The following LAMA2 variants were observed in gnomAD, a reference collection of about 807,000 sequenced individuals.
LAMA2 encodes laminin subunit alpha-2.
A neutral mutation model predicts 364.8 loss-of-function variants in LAMA2; 269 were observed. The observed-to-expected ratio is 0.74, with a 90% CI of 0.67 to 0.82. The LOEUF is 0.82. Ranked by LOEUF, LAMA2 falls within the 40% of genes least tolerant of loss-of-function variation. LAMA2 has a pLI of 0.00. For missense variants in LAMA2, 3,807 were observed against 3,873.2 expected (o/e 0.98, Z 0.45); for synonymous variants, 1,379 against 1,370.6 (o/e 1.01, Z -0.14).
intron 4 of LAMA2, among the ~76,000 whole-genome samples, chr6:129,131,101 A>G (rs931282810): frequency 6.6e-6 from 1 of 152,240 alleles, no homozygotes; most frequent in African/African-American, 2.4e-5. Context: ...TATTACAAAT[A>G]ATTGAAAACA....
At chr6:128,917,748 T>TTTG (rs2114477205) in intron 1 of LAMA2, among the ~76,000 whole-genome samples, 1 of 147,868 alleles carries the variant, frequency 6.8e-6, no homozygotes, top group East Asian at 1.9e-4. Flanking sequence ...TTTTTTTTTT[T>TTTG]TTTGAGACAG....
chr6:128,916,278 A>G (rs1778311352), intron 1 of LAMA2, among the ~76,000 whole-genome samples: 1 of 152,218 alleles, frequency 6.6e-6, no homozygotes. Flanking sequence ...TGAGGCCAAA[A>G]CTTTTAGTCC....
intron 12 of LAMA2, among the ~76,000 whole-genome samples, chr6:129,229,232 T>C (rs189251361): frequency 4.1e-4 from 63 of 152,298 alleles, no homozygotes; most frequent in Admixed American, 3.0e-3. Context: ...ATGGAGGGCC[T>C]AGGAAGGATG....
intron 14 of LAMA2, among the ~76,000 whole-genome samples, chr6:129,257,381 G>A (rs925801067): frequency 1.3e-5 from 2 of 152,112 alleles, no homozygotes; most frequent in South Asian, 4.1e-4. Context: ...TCATAGCTCA[G>A]AATGGTTACA....
chr6:129,241,215 G>A (rs904846751), intron 12 of LAMA2, among the ~76,000 whole-genome samples: 1 of 152,146 alleles, frequency 6.6e-6, no homozygotes, highest in Non-Finnish European at 1.5e-5. Flanking sequence ...TTAAAATTCA[G>A]CAGATACTTA....
intron 12 of LAMA2, among the ~76,000 whole-genome samples, chr6:129,204,126 A>G (rs1414969331): frequency 2.0e-5 from 3 of 152,250 alleles, no homozygotes; most frequent in African/African-American, 7.2e-5. Context: ...AATTTTAGCA[A>G]GTACGTAGAT....
chr6:129,460,083 T>C, intron 48 of LAMA2, 117 bp from the exon 49 acceptor site: 1 of 995,354 alleles, frequency 1.0e-6, no homozygotes, highest in Admixed American at 1.7e-5. Context: ...TATGCCAAAA[T>C]ATCAGAAAGA....
chr6:129,314,414 A>AAAAAAAAAAAAAAAAAAC (rs1207991573), intron 23 of LAMA2, among the ~76,000 whole-genome samples: 2 of 151,338 alleles, frequency 1.3e-5, no homozygotes, highest in African/African-American at 4.9e-5. Context: ...AAAAAAAAAA[A>AAAAAAAAAAAAAAAAAAC]AAAAAGTACA....
At chr6:129,312,513 T>TAATAAGGTAAA (rs1774293330) in intron 22 of LAMA2, among the ~76,000 whole-genome samples, 6 of 152,172 alleles carry the variant, frequency 3.9e-5, no homozygotes, top group Admixed American at 3.9e-4. Flanking sequence ...AATTATGAGA[T>TAATAAGGTAAA]AATAAGGTAA....
intron 12 of LAMA2, among the ~76,000 whole-genome samples, chr6:129,215,594 A>C (rs1184984816): frequency 6.6e-6 from 1 of 152,134 alleles, no homozygotes; most frequent in African/African-American, 2.4e-5. Flanking sequence ...ATAAATATTT[A>C]TTTATTTATT....
intron 45 of LAMA2, among the ~76,000 whole-genome samples, chr6:129,446,595 A>G (rs1185601181): frequency 2.2e-5 from 3 of 139,184 alleles, no homozygotes; most frequent in East Asian, 2.2e-4. Context: ...AGAAAGAAAG[A>G]AGGAAGGGCA....
rs1774343545 is a variant in LAMA2, at chr6:129,313,231, A to G, written c.3411+134A>G. 8.1e-6 allele frequency: 5 copies of G among 619,330 alleles called. No individual in the cohort carries two copies. In the East Asian group the frequency reaches 1.3e-4, roughly 16 times the overall value. The allele number at this position is 619,330 out of a possible 1,614,324, so 38.4% of individuals were successfully genotyped here. On this transcript the variant is annotated intron_variant, in intron 23 of 64. Transcript: ENST00000421865. Reference sequence around the variant, plus strand: ...AACAGATGGACAAAATCTCATTGCCAGACATGGAGTTTTCATTGATATGCA... The same window carrying G: ...AACAGATGGACAAAATCTCATTGCCGGACATGGAGTTTTCATTGATATGCA...
At chr6:129,051,307 TTATTTTA>T (rs990157739) in intron 2 of LAMA2, among the ~76,000 whole-genome samples, 1 of 148,624 alleles carries the variant, frequency 6.7e-6, no homozygotes, top group Non-Finnish European at 1.5e-5. Flanking sequence ...AACAGATATA[TTATTTTA>T]TTTTTATTTT....
At chr6:129,016,797 A>G (rs1049876864) in intron 1 of LAMA2, among the ~76,000 whole-genome samples, 5 of 151,916 alleles carry the variant, frequency 3.3e-5, no homozygotes, top group East Asian at 3.9e-4. Context: ...ATGATCATAC[A>G]TTGAGGTTTT....
intron 4 of LAMA2, among the ~76,000 whole-genome samples, chr6:129,128,146 C>A (rs1459534043): frequency 6.6e-6 from 1 of 152,170 alleles, no homozygotes; most frequent in East Asian, 1.9e-4. Flanking sequence ...ATACTTAAGG[C>A]TTTAATTCAT....
Position 128,883,801 on chromosome 6 carries a change from T to TATAC in LAMA2, c.112+445_112+446insTACA, listed in dbSNP as rs1378886554. 2.2e-4 allele frequency among the ~76,000 whole-genome samples: 30 copies of TATAC among 136,032 alleles called. No individual in the cohort carries two copies. In the East Asian group the frequency reaches 2.3e-3, roughly 10 times the overall value. 89.2% of individuals were successfully genotyped at this position (136,032 alleles called of 152,430 possible). ...CAAAAAAAAATTATATATATATATA[T>TATAC]ACACACACACACACACACACACACA... On this transcript the variant is annotated intron_variant, in intron 1 of 64. Transcript: ENST00000421865.
intron 1 of LAMA2, among the ~76,000 whole-genome samples, chr6:128,973,258 G>T (rs950238585): frequency 1.3e-5 from 2 of 152,120 alleles, no homozygotes; most frequent in African/African-American, 4.8e-5. Flanking sequence ...TTGAGAGCAG[G>T]ATTCATAATT....
chr6:129,263,779 A>G (rs1302313729), intron 15 of LAMA2, among the ~76,000 whole-genome samples: 1 of 152,220 alleles, frequency 6.6e-6, no homozygotes, highest in African/African-American at 2.4e-5. Context: ...TTGCTCTGTC[A>G]CCTAGGCTGG....
chr6:129,187,436 C>T (rs1781292533), intron 10 of LAMA2, among the ~76,000 whole-genome samples: 1 of 151,732 alleles, frequency 6.6e-6, no homozygotes, highest in Non-Finnish European at 1.5e-5. Context: ...TTTCTTTATG[C>T]CAATGTCTCA....
Sources: allele counts gnomAD v4.1 joint callset (sites outside exome capture counted in the v4.1 genomes callset), GRCh38; gene constraint gnomAD v4.1.1; transcripts MANE v1.5; gene names NCBI Gene and HGNC (gene_info 2026-07-23, HGNC 2026-07-21).